Variants in ROBO2 observed in about 807,000 individuals in gnomAD.
ROBO2 encodes roundabout guidance receptor 2, also known as roundabout homolog 2.
In ROBO2, 53 loss-of-function variants were observed where a neutral mutation model predicts 160.8. That is an observed-to-expected ratio of 0.33 (90% CI 0.26 to 0.41). ROBO2 has a LOEUF of 0.41. Among genes scored for constraint, ROBO2 ranks in the 10% least tolerant of loss-of-function variants. ROBO2 has a pLI of 1.00. For missense variants in ROBO2, 1,577 were observed against 1,722.4 expected (o/e 0.92, Z 1.49); for synonymous variants, 664 against 611.7 (o/e 1.09, Z -1.26).
intron 2 of ROBO2, among the ~76,000 whole-genome samples, chr3:76,864,233 A>C (rs970364283): frequency 2.0e-5 from 3 of 152,058 alleles, no homozygotes; most frequent in African/African-American, 7.2e-5. Context: ...GGGGTTTACA[A>C]ATCTGACTAT....
At chr3:77,056,936 A>G (rs1454629476) in intron 1 of ROBO2, among the ~76,000 whole-genome samples, 1 of 152,158 alleles carries the variant, frequency 6.6e-6, no homozygotes, top group Non-Finnish European at 1.5e-5. Flanking sequence ...TAGGAATGCC[A>G]TTTGACCCAG....
At chr3:77,267,994 T>C (rs1190148674) in intron 2 of ROBO2, among the ~76,000 whole-genome samples, 3 of 152,176 alleles carry the variant, frequency 2.0e-5, no homozygotes, top group Non-Finnish European at 2.9e-5. Flanking sequence ...AGATAAATAT[T>C]ATATGACCTG....
intron 2 of ROBO2, among the ~76,000 whole-genome samples, chr3:77,219,458 A>AATC (rs2085454980): frequency 8.2e-6 from 1 of 122,248 alleles, no homozygotes; most frequent in Non-Finnish European, 1.7e-5. Flanking sequence ...ATATATATAT[A>AATC]TGTATCTGTG....
chr3:77,143,350 A>G (rs1425826055), intron 2 of ROBO2, among the ~76,000 whole-genome samples: 1 of 151,304 alleles, frequency 6.6e-6, no homozygotes, highest in Non-Finnish European at 1.5e-5. Context: ...ATGCACCACC[A>G]CACCCGGCTA....
At chr3:77,196,675 T>A (rs185686890) in intron 2 of ROBO2, among the ~76,000 whole-genome samples, 1 of 152,264 alleles carries the variant, frequency 6.6e-6, no homozygotes, top group Admixed American at 6.5e-5. Context: ...GCATATATAT[T>A]CATTTTAGAT....
At chr3:77,500,823 T>C (rs986417913) in intron 5 of ROBO2, among the ~76,000 whole-genome samples, 6 of 152,168 alleles carry the variant, frequency 3.9e-5, no homozygotes, top group East Asian at 1.9e-4. Flanking sequence ...TGTGACCACA[T>C]TGGCCCATCT....
At chr3:76,724,521 T>C (rs814032) in intron 2 of ROBO2, among the ~76,000 whole-genome samples, 87,990 of 151,968 alleles carry the variant, frequency 0.58, 26,472 homozygotes, top group Non-Finnish European at 0.67. Context: ...TTCTCCCCAA[T>C]AGCTAATTCA....
chr3:76,194,353 AATATATAT>A (rs772196827), intron 2 of ROBO2, among the ~76,000 whole-genome samples: 2 of 94,532 alleles, frequency 2.1e-5, no homozygotes, highest in Admixed American at 2.2e-4. Context: ...ATGGTGTGTA[AATATATAT>A]ATATATATAT....
intron 2 of ROBO2, among the ~76,000 whole-genome samples, chr3:76,330,361 C>T (rs907142156): frequency 5.3e-5 from 8 of 152,078 alleles, no homozygotes; most frequent in Admixed American, 4.6e-4. Flanking sequence ...TTTTTTGCAC[C>T]ATTAAATAGC....
chr3:76,233,755 A>G (rs1378160334), intron 2 of ROBO2, among the ~76,000 whole-genome samples: 1 of 152,196 alleles, frequency 6.6e-6, no homozygotes, highest in Non-Finnish European at 1.5e-5. Flanking sequence ...GCATTACCAA[A>G]AGGTTTAGAT....
At chr3:77,299,603 C>G (rs1165594072) in intron 2 of ROBO2, among the ~76,000 whole-genome samples, 1 of 152,114 alleles carries the variant, frequency 6.6e-6, no homozygotes. Flanking sequence ...ATCATGAGAA[C>G]AGCATAGGAG....
At chr3:76,408,630 ATAT>A (rs2075334192) in intron 2 of ROBO2, among the ~76,000 whole-genome samples, 1 of 152,194 alleles carries the variant, frequency 6.6e-6, no homozygotes, top group East Asian at 1.9e-4. Flanking sequence ...TATTTGACAA[ATAT>A]TATAGAAGAT....
At chr3:76,344,234 G>A (rs572902963) in intron 2 of ROBO2, among the ~76,000 whole-genome samples, 1 of 152,178 alleles carries the variant, frequency 6.6e-6, no homozygotes, top group East Asian at 1.9e-4. Flanking sequence ...CCTGGATTAC[G>A]TTTTGCTATT....
At chr3:77,056,792 TG>T (rs1281561430) in intron 1 of ROBO2, among the ~76,000 whole-genome samples, 1 of 152,156 alleles carries the variant, frequency 6.6e-6, no homozygotes, top group Admixed American at 6.5e-5. Flanking sequence ...CCAGGGAAGA[TG>T]TTTTATAAAT....
At chr3:77,510,582 T>C (rs1167730906) in intron 5 of ROBO2, among the ~76,000 whole-genome samples, 2 of 152,138 alleles carry the variant, frequency 1.3e-5, no homozygotes, top group Non-Finnish European at 2.9e-5. Context: ...GTGACATTTA[T>C]TGAGGATTTA....
chr3:77,401,987 T>C (rs2075837539), intron 2 of ROBO2, among the ~76,000 whole-genome samples: 1 of 152,180 alleles, frequency 6.6e-6, no homozygotes, highest in South Asian at 2.1e-4. Flanking sequence ...CACATATGTT[T>C]ATTGCAGCAC....
At chr3:77,471,534 C>A (rs192311680) in intron 2 of ROBO2, among the ~76,000 whole-genome samples, 2 of 152,208 alleles carry the variant, frequency 1.3e-5, no homozygotes, top group African/African-American at 4.8e-5. Flanking sequence ...CTTCTCCATT[C>A]TGCAACATGG....
chr3:76,677,490 T>C (rs960315227), intron 2 of ROBO2, among the ~76,000 whole-genome samples: 2 of 152,100 alleles, frequency 1.3e-5, no homozygotes, highest in Admixed American at 6.5e-5. Flanking sequence ...CCCAGAACCA[T>C]TGGTCTAGGT....
intron 2 of ROBO2, among the ~76,000 whole-genome samples, chr3:77,145,161 T>A (rs578237164): frequency 6.6e-6 from 1 of 152,266 alleles, no homozygotes; most frequent in African/African-American, 2.4e-5. Context: ...ACTAGTATAG[T>A]TTAGCTGGGT....
Sources: gnomAD v4.1 joint callset for allele counts (sites outside exome capture counted in the v4.1 genomes callset) on GRCh38, gnomAD v4.1.1 for gene constraint, MANE v1.5 for transcripts, NCBI Gene and HGNC (gene_info 2026-07-23, HGNC 2026-07-21) for gene names.